Variants in MRC1 observed in about 807,000 individuals in gnomAD.
MRC1 encodes the protein macrophage mannose receptor 1.
MRC1 carries 62 observed loss-of-function variants against 102.9 expected under a neutral mutation model. The observed-to-expected ratio is 0.60, with a 90% confidence interval of 0.49 to 0.74. The LOEUF (loss-of-function observed/expected upper bound fraction) is 0.74. Ranked by LOEUF, MRC1 falls within the 30% of genes least tolerant of loss-of-function variation. The probability of loss-of-function intolerance (pLI) is 0.00; values close to 1 mark genes in which losing one functional copy is unlikely to be tolerated. For missense variants in MRC1, 1,237 were observed against 862.8 expected (o/e 1.43, Z -5.43); for synonymous variants, 457 against 298.4 (o/e 1.53, Z -5.48).
rs35422170 is a variant in MRC1, at chr10:17,841,740, A to ATT, written c.916+951_916+952dup. The stretch of plus-strand genomic sequence containing the variant: ...CACCCCTCAATCCCACCCCAGTGCC[A>ATT]TTTTTTTTTTTTTTTTTTAGGAAAG... On this transcript the variant is annotated intron_variant, in intron 5 of 29. Coordinates refer to ENST00000569591, the MANE Select transcript of MRC1 (RefSeq NM_002438.4). Among the ~76,000 whole-genome samples the ATT allele has an allele frequency of 8.3e-3, 1,047 of 126,714 alleles. 25 individuals carry two copies. Among genetic ancestry groups the ATT allele is most frequent in the African/African-American group, 0.025 (883 of 34,630 alleles). 83.1% of individuals were successfully genotyped at this position (126,714 alleles called of 152,430 possible). A position where few individuals can be genotyped will look rare whatever the true frequency, so the allele number is the denominator to read the frequency against.
At chr10:17,891,680 T>C (rs1263265723) in intron 22 of MRC1, among the ~76,000 whole-genome samples, 15 of 152,342 alleles carry the variant, frequency 9.8e-5, no homozygotes, top group African/African-American at 3.6e-4. Context: ...TGAGGTTTCA[T>C]GTTTACTTAG....
chr10:17,830,351 C>T (rs979768564), intron 3 of MRC1, among the ~76,000 whole-genome samples: 1 of 151,172 alleles, frequency 6.6e-6, no homozygotes, highest in Non-Finnish European at 1.5e-5. Flanking sequence ...AGGCTGGTCT[C>T]GAACTCCTGA....
chr10:17,881,766 C>T (rs1005906199), intron 21 of MRC1, among the ~76,000 whole-genome samples: 15 of 141,012 alleles, frequency 1.1e-4, no homozygotes, highest in Non-Finnish European at 1.5e-4. Context: ...TCAAGCAATC[C>T]TCTTGCCTCA....
intron 11 of MRC1, among the ~76,000 whole-genome samples, chr10:17,864,029 G>A (rs1833225699): frequency 6.6e-6 from 1 of 152,006 alleles, no homozygotes; most frequent in Non-Finnish European, 1.5e-5. Context: ...TTGAGACAGA[G>A]CCTCACTCGG....
chr10:17,829,319 T>C (rs1838532678), intron 3 of MRC1, among the ~76,000 whole-genome samples: 1 of 151,522 alleles, frequency 6.6e-6, no homozygotes, highest in Admixed American at 6.6e-5. Context: ...TTGTACTTAT[T>C]TATCTCTCTG....
At chr10:17,894,048 A>C (rs1362233242) in intron 22 of MRC1, among the ~76,000 whole-genome samples, 162 bp from the exon 23 acceptor site, 2 of 152,204 alleles carry the variant, frequency 1.3e-5, no homozygotes, top group Non-Finnish European at 2.9e-5. Flanking sequence ...TAGTAGGTAG[A>C]GTTGGGTAGA....
chr10:17,856,425 G>C, intron 9 of MRC1, 73 bp downstream of exon 9: 1 of 796,064 alleles, frequency 1.3e-6, no homozygotes, highest in South Asian at 1.5e-5. Context: ...ATTTTTATGT[G>C]TGAAAGTGCC....
In MRC1 at chr10:17,877,922, C is replaced by A. The variant is rs923185690; in HGVS notation, c.2573C>A (p.Ser858Tyr). Residue 858 changes from serine to tyrosine, a missense_variant, in exon 18 of 30, where the codon TCT (serine) becomes TAT (tyrosine). Transcript: ENST00000569591. Reference sequence around the variant, plus strand: ...CAGGTAAACAGAAATGATGCACAGTCTGCATATTTTATTGGTTTATTGATC... The same window carrying A: ...CAGGTAAACAGAAATGATGCACAGTATGCATATTTTATTGGTTTATTGATC... Reference protein sequence around the residue: ...WKYVNRNDAQSAYFIGLLISL... With the variant: ...WKYVNRNDAQYAYFIGLLISL... The A allele has an allele frequency of 4.6e-6, 4 of 872,072 alleles. 1 individual carries two copies. The highest frequency in any genetic ancestry group is 3.3e-5 in the African/African-American group (2 of 61,366). The allele number at this position is 872,072 out of a possible 1,614,324, so 54.0% of individuals were successfully genotyped here.
chr10:17,844,792 C>T (rs1351429734), intron 5 of MRC1, among the ~76,000 whole-genome samples: 5 of 152,100 alleles, frequency 3.3e-5, no homozygotes, highest in African/African-American at 1.2e-4. Context: ...CATGAGTACT[C>T]GGTATTTAGC....
chr10:17,880,828 A>G (rs1224414649), intron 20 of MRC1, among the ~76,000 whole-genome samples, 158 bp downstream of exon 20: 1 of 152,218 alleles, frequency 6.6e-6, no homozygotes, highest in Non-Finnish European at 1.5e-5. Context: ...GGAAATTGAG[A>G]GCATACTTGA....
At chr10:17,855,000 T>G (rs1488562517) in intron 8 of MRC1, among the ~76,000 whole-genome samples, 1 of 151,878 alleles carries the variant, frequency 6.6e-6, no homozygotes, top group Non-Finnish European at 1.5e-5. Flanking sequence ...CCAGAAAACA[T>G]TTTTTTCAAG....
intron 6 of MRC1, among the ~76,000 whole-genome samples, chr10:17,846,462 C>T (rs1838827526): frequency 1.3e-5 from 2 of 152,070 alleles, no homozygotes; most frequent in African/African-American, 4.8e-5. Flanking sequence ...TTCCCATTGG[C>T]TTTGAAAGCA....
At chr10:17,855,571 CAAAAAAAAA>C (rs35692453) in intron 8 of MRC1, among the ~76,000 whole-genome samples, 12 of 42,086 alleles carry the variant, frequency 2.9e-4, no homozygotes, top group African/African-American at 9.3e-4. Context: ...GACTCCGTCT[CAAAAAAAAA>C]AAAAAAAAAA....
intron 12 of MRC1, 95 bp downstream of exon 12, chr10:17,866,856 A>C: frequency 1.3e-6 from 1 of 758,076 alleles, no homozygotes; most frequent in Non-Finnish European, 2.5e-6. Context: ...AAACCAAAAC[A>C]CTCTGCCCAG....
intron 4 of MRC1, among the ~76,000 whole-genome samples, chr10:17,835,091 A>G (rs944822161): frequency 0.033 from 5,013 of 152,268 alleles, 296 homozygotes; most frequent in African/African-American, 0.11. Flanking sequence ...CGGTCACAAC[A>G]AAAGAAAAGT....
chr10:17,852,660 A>C (rs1838934293), intron 7 of MRC1, among the ~76,000 whole-genome samples: 1 of 152,206 alleles, frequency 6.6e-6, no homozygotes, highest in Non-Finnish European at 1.5e-5. Context: ...TAATAGACCT[A>C]CCTCAATTTT....
At chr10:17,875,306 T>G in intron 17 of MRC1, 53 bp downstream of exon 17, 1 of 773,324 alleles carries the variant, frequency 1.3e-6, no homozygotes, top group East Asian at 2.4e-5. Context: ...GGAACAGGTG[T>G]TGTTTGGTTG....
chr10:17,903,392 C>CTTTTTTTTTTTTTTTTTTTTTTT (rs35118275), intron 26 of MRC1, among the ~76,000 whole-genome samples: 70 of 88,850 alleles, frequency 7.9e-4, no homozygotes, highest in Non-Finnish European at 1.1e-3. Context: ...CTTTTTTTTT[C>CTTTTTTTTTTTTTTTTTTTTTTT]TTTTTTTTTT....
At chr10:17,864,388 G>A (rs1554841370) in intron 11 of MRC1, among the ~76,000 whole-genome samples, 1 of 152,122 alleles carries the variant, frequency 6.6e-6, no homozygotes, top group African/African-American at 2.4e-5. Flanking sequence ...TATTAGAGTG[G>A]TTGGGTGGGG....
Sources: gnomAD v4.1 joint callset for allele counts (sites outside exome capture counted in the v4.1 genomes callset) on GRCh38, gnomAD v4.1.1 for gene constraint, MANE v1.5 for transcripts, NCBI Gene and HGNC (gene_info 2026-07-23, HGNC 2026-07-21) for gene names.